The following CPNE6 variants were observed in gnomAD, a reference collection of about 807,000 sequenced individuals.
The protein encoded by CPNE6 is copine-6.
In CPNE6, 33 loss-of-function variants were observed where a neutral mutation model predicts 71.5. That is an observed-to-expected ratio of 0.46 (90% confidence interval 0.35 to 0.62). The LOEUF is 0.62. Ranked by LOEUF, CPNE6 falls within the 20% of genes least tolerant of loss-of-function variation. The pLI is 0.00. For synonymous variants in CPNE6, 296 were observed against 293.0 expected (o/e 1.01, Z -0.10); for missense variants, 576 against 747.3 (o/e 0.77, Z 2.67).
chr14:24,078,002 C>G (rs950605643), exon 18 of CPNE6: 1 of 364,330 alleles, frequency 2.7e-6, no homozygotes, highest in Non-Finnish European at 4.9e-6. Flanking sequence ...CTCCAAACCC[C>G]ATACCCTTCA....
Position 24,074,092 on chromosome 14 carries a change from G to C in CPNE6, c.390G>C (p.Lys130Asn), listed in dbSNP as rs764359732. Residue 130 changes from lysine to asparagine, a missense_variant, in exon 5 of 18, where the codon AAG becomes AAC. By Grantham distance (94) the Lys-to-Asn change is moderately conservative. Around this residue, in one of 4 missense-constraint regions of CPNE6, gnomAD observed 214 missense variants for 291.2 expected, o/e 0.73. Coordinates refer to ENST00000397016, the Ensembl canonical transcript of CPNE6. The surrounding 1 kb of genome is among the most constrained non-coding windows in gnomAD (Gnocchi z 4.5). ...AGGTCACTAAGCCATTATTGCTGAAGAATGGGAAGACTGCGGGCAAGTCCA... is the reference window on the plus strand; with the variant it reads ...AGGTCACTAAGCCATTATTGCTGAACAATGGGAAGACTGCGGGCAAGTCCA... The C allele has an allele frequency of 6.2e-7, 1 of 1,614,158 alleles. No homozygotes were observed. Among genetic ancestry groups the C allele is most frequent in the East Asian group, 2.2e-5 (1 of 44,874 alleles).
Position 24,073,532 on chromosome 14 carries a change from A to G in CPNE6, c.202A>G (p.Ser68Gly). ...CACAGAGGTGCTTCGCTCCTGTTCCAGCCCTGTCTTCTCCCGGGTGCTGGC... is the reference window on the plus strand; with the variant it reads ...CACAGAGGTGCTTCGCTCCTGTTCCGGCCCTGTCTTCTCCCGGGTGCTGGC... Residue 68 changes from serine (S) to glycine (G), a missense_variant, in exon 4 of 18, where the codon AGC becomes GGC. By Grantham distance (56) the Ser-to-Gly change is moderately conservative. Coordinates refer to ENST00000397016, the Ensembl canonical transcript of CPNE6. This position sits in a 1 kb window ranked among gnomAD's most constrained non-coding sequence, Gnocchi z 5.5. 1 of 1,613,900 alleles carries G rather than the reference A, an allele frequency of 6.2e-7. No homozygotes were observed. The highest frequency in any genetic ancestry group is 8.5e-7 in the Non-Finnish European group (1 of 1,180,010).
chr14:24,074,186 C>T lies in CPNE6; in HGVS notation c.423+61C>T. The T allele has an allele frequency of 1.3e-6, 2 of 1,594,504 alleles. No individual in the cohort carries two copies. Among genetic ancestry groups the T allele is most frequent in the African/African-American group, 1.3e-5 (1 of 74,642 alleles). On this transcript the variant is annotated intron_variant, in intron 5 of 17. Transcript: ENST00000397016. The surrounding 1 kb of genome is among the most constrained non-coding windows in gnomAD (Gnocchi z 4.5). ...GTATTCAATGCCCCTGCATGGACAC[C>T]TATGGTGACATCATGCCCAGGACCA...
chr14:24,072,862 C>G, intron 2 of CPNE6, 71 bp from the exon 2 acceptor site: 1 of 1,357,768 alleles, frequency 7.4e-7, no homozygotes, highest in Non-Finnish European at 9.6e-7. Flanking sequence ...CCCAGGGACC[C>G]TAGAGGATAG....
In CPNE6 at chr14:24,075,813, C is replaced by T. The variant is rs767797218; in HGVS notation, c.865-14C>T. Reference sequence around the variant, plus strand: ...CACCCCATCCCCTCGCCTTACCCCTCTCCCTACCTCCAGGTGGAGAAGGTG... The same window carrying T: ...CACCCCATCCCCTCGCCTTACCCCTTTCCCTACCTCCAGGTGGAGAAGGTG... On this transcript the variant is annotated splice_polypyrimidine_tract_variant and intron_variant, in intron 10 of 17. Transcript: ENST00000397016. The surrounding 1 kb of genome is among the most constrained non-coding windows in gnomAD (Gnocchi z 4.3). 2 of 1,613,694 alleles carry T rather than the reference C, an allele frequency of 1.2e-6. No individual in the cohort carries two copies. The highest frequency in any genetic ancestry group is 1.7e-6 in the Non-Finnish European group (2 of 1,179,670).
At position 24,075,169 on chromosome 14, in the gene CPNE6, C is replaced by T; in HGVS notation, c.673-3C>T. ...GACCCCACCCCTCCCCCTGCCTTCT[C>T]AGTTCCTGGTGTATGACTATGACTC... On this transcript the variant is annotated splice_region_variant and splice_polypyrimidine_tract_variant and intron_variant, in intron 8 of 17. Coordinates refer to ENST00000397016, the Ensembl canonical transcript of CPNE6. This position sits in a 1 kb window ranked among gnomAD's most constrained non-coding sequence, Gnocchi z 4.3. 6.2e-7 allele frequency: 1 copy of T among 1,612,282 alleles called. No homozygotes were observed. Among genetic ancestry groups the T allele is most frequent in the South Asian group, 1.1e-5 (1 of 91,012 alleles).
Position 24,077,940 on chromosome 14 carries a change from C to G in CPNE6, c.*90C>G, listed in dbSNP as rs1314859848. 1.2e-4 allele frequency: 57 copies of G among 483,108 alleles called. No individual in the cohort carries two copies. The highest frequency in any genetic ancestry group is 6.7e-5 in the Non-Finnish European group (19 of 282,536). The allele number at this position is 483,108 out of a possible 1,614,324, so 29.9% of individuals were successfully genotyped here. On this transcript the variant is annotated 3_prime_UTR_variant, in exon 18 of 18. Transcript: ENST00000397016. This position sits in a 1 kb window ranked among gnomAD's most constrained non-coding sequence, Gnocchi z 6.1. The stretch of plus-strand genomic sequence containing the variant: ...GTGACCAATGCCTCCACCTCTTGGA[C>G]CAGGTGTGCCCCCTGGGTTCTGGAC...
At chr14:24,071,793 A>C in intron 2 of CPNE6, 152 bp downstream of exon 1, 1 of 549,078 alleles carries the variant, frequency 1.8e-6, no homozygotes, top group Non-Finnish European at 3.2e-6. Flanking sequence ...GACCCCCAAG[A>C]ACTGGGAGAC....
Position 24,074,218 on chromosome 14 carries a change from C to A in CPNE6, c.424-73C>A, listed in dbSNP as rs939915466. The A allele has an allele frequency of 6.3e-7, 1 of 1,595,538 alleles. No homozygotes were observed. The highest frequency in any genetic ancestry group is 1.3e-5 in the African/African-American group (1 of 74,524). Reference sequence around the variant, plus strand: ...GACATCATGCCCAGGACCACCCCCACCTAAGGGAAAGGGGATGGGGTGGCC... The same window carrying A: ...GACATCATGCCCAGGACCACCCCCAACTAAGGGAAAGGGGATGGGGTGGCC... On this transcript the variant is annotated intron_variant, in intron 5 of 17. Transcript: ENST00000397016. This position sits in a 1 kb window ranked among gnomAD's most constrained non-coding sequence, Gnocchi z 4.5.
At position 24,073,666 on chromosome 14, in the gene CPNE6, C is replaced by T. The variant is rs768350280; in HGVS notation, c.336C>T (p.Cys112=). ...ATACCTTCCTCGGCTCTACGGAGTG[C>T]ACCTTGGGCCAGGTCTGCATTCCCG... Residue 112 remains cysteine (C), a synonymous_variant, in exon 4 of 18, where the codon TGC becomes TGT. Transcript: ENST00000397016. The surrounding 1 kb of genome is among the most constrained non-coding windows in gnomAD (Gnocchi z 5.5). 5 of 1,612,868 alleles carry T rather than the reference C, an allele frequency of 3.1e-6. No homozygotes were observed. The highest frequency in any genetic ancestry group is 2.2e-5 in the East Asian group (1 of 44,866).
chr14:24,076,948 T>C (rs764767260), exon 15 of CPNE6: 1 of 1,613,216 alleles, frequency 6.2e-7, no homozygotes, highest in South Asian at 1.1e-5. Flanking sequence ...CCCACCAATG[T>C]GGCCCCCATC....
At chr14:24,076,104 T>C (rs1440648587) in intron 11 of CPNE6, 45 bp from the exon 11 acceptor site, 54 of 1,600,180 alleles carry the variant, frequency 3.4e-5, no homozygotes, top group Non-Finnish European at 4.4e-5. Context: ...GGCAATCTGG[T>C]GGCTCTCATG....
At position 24,073,688 on chromosome 14, in the gene CPNE6, C is replaced by T; in HGVS notation, c.348+10C>T. ...GTGCACCTTGGGCCAGGTCTGCATTCCCGGCCTCCCCGGCTACCCTACCCT... is the reference window on the plus strand; with the variant it reads ...GTGCACCTTGGGCCAGGTCTGCATTTCCGGCCTCCCCGGCTACCCTACCCT... On this transcript the variant is annotated intron_variant, in intron 4 of 17. Coordinates refer to ENST00000397016, the Ensembl canonical transcript of CPNE6. This position sits in a 1 kb window ranked among gnomAD's most constrained non-coding sequence, Gnocchi z 5.5. 1 of 1,606,248 alleles carries T rather than the reference C, an allele frequency of 6.2e-7. No individual in the cohort carries two copies. Among genetic ancestry groups the T allele is most frequent in the South Asian group, 1.1e-5 (1 of 90,294 alleles).
chr14:24,077,194 G>T lies in CPNE6; in HGVS notation c.1340G>T (p.Ser447Ile). The T allele has an allele frequency of 6.2e-7, 1 of 1,609,490 alleles. No individual in the cohort carries two copies. Among genetic ancestry groups the T allele is most frequent in the Non-Finnish European group, 8.5e-7 (1 of 1,179,930 alleles). ...CTGGTGCTCACTGACGGTGTGGTGA[G>T]CGACATGGCTGAGACTCGCACTGCT... Residue 447 changes from serine to isoleucine, a missense_variant, in exon 16 of 18, where the codon AGC becomes ATC. Around this residue, in one of 4 missense-constraint regions of CPNE6, gnomAD observed 264 missense variants for 339.9 expected, o/e 0.78. Transcript: ENST00000397016. The surrounding 1 kb of genome is among the most constrained non-coding windows in gnomAD (Gnocchi z 6.1).
At position 24,075,197 on chromosome 14, in the gene CPNE6, G is replaced by A. The variant is rs2036021480; in HGVS notation, c.698G>A (p.Ser233Asn). Reference sequence around the variant, plus strand: ...TTCCTGGTGTATGACTATGACTCCAGTGGGAAGCATGACTTCATCGGCGAG... The same window carrying A: ...TTCCTGGTGTATGACTATGACTCCAATGGGAAGCATGACTTCATCGGCGAG... Residue 233 changes from serine to asparagine, a missense_variant, in exon 9 of 18, where the codon AGT becomes AAT. By Grantham distance (46) the Ser-to-Asn change is conservative. Around this residue, in one of 4 missense-constraint regions of CPNE6, gnomAD observed 214 missense variants for 291.2 expected, o/e 0.73. Coordinates refer to ENST00000397016, the Ensembl canonical transcript of CPNE6. The surrounding 1 kb of genome is among the most constrained non-coding windows in gnomAD (Gnocchi z 4.3). The A allele has an allele frequency of 6.2e-7, 1 of 1,613,914 alleles. No homozygotes were observed. Among genetic ancestry groups the A allele is most frequent in the Admixed American group, 1.7e-5 (1 of 59,984 alleles).
Position 24,071,646 on chromosome 14 carries a change from G to T in CPNE6, c.-5+5G>T. ...AGCCCCCGACCGAGAGCCCAGGTGAGCCCACCCTTCCTCCCCAGCCCAGCC... is the reference window on the plus strand; with the variant it reads ...AGCCCCCGACCGAGAGCCCAGGTGATCCCACCCTTCCTCCCCAGCCCAGCC... On this transcript the variant is annotated splice_donor_5th_base_variant and intron_variant, in intron 2 of 17. Coordinates refer to ENST00000397016, the Ensembl canonical transcript of CPNE6. The T allele has an allele frequency of 1.1e-6, 1 of 931,876 alleles. No homozygotes were observed. The allele number at this position is 931,876 out of a possible 1,614,324, so 57.7% of individuals were successfully genotyped here. A position where few individuals can be genotyped will look rare whatever the true frequency, so the allele number is the denominator to read the frequency against.
At position 24,073,064 on chromosome 14, in the gene CPNE6, G is replaced by C; in HGVS notation, c.128G>C (p.Cys43Ser). 1 of 1,533,328 alleles carries C rather than the reference G, an allele frequency of 6.5e-7. No homozygotes were observed. Among genetic ancestry groups the C allele is most frequent in the Non-Finnish European group, 8.8e-7 (1 of 1,142,070 alleles). The allele number at this position is 1,533,328 out of a possible 1,614,324, so 95.0% of individuals were successfully genotyped here. A position where few individuals can be genotyped will look rare whatever the true frequency, so the allele number is the denominator to read the frequency against. The change falls in exon 3 of 18, where the codon TGC (cysteine) becomes TCC (serine). Residue 43 changes from cysteine to serine, a missense_variant. Around this residue, in one of 4 missense-constraint regions of CPNE6, gnomAD observed 89 missense variants for 80.4 expected, o/e 1.11. Transcript: ENST00000397016. The surrounding 1 kb of genome is among the most constrained non-coding windows in gnomAD (Gnocchi z 5.5). ...GACACACTCACCAAACCCCACCCCT[G>C]CGTGCTGCTCAAGCTCTACTCTGAT...
rs2036097631 is a variant in CPNE6, at chr14:24,077,023, A to G, written c.1299+11A>G. The G allele has an allele frequency of 6.2e-7, 1 of 1,608,364 alleles. No homozygotes were observed. Among genetic ancestry groups the G allele is most frequent in the Non-Finnish European group, 8.5e-7 (1 of 1,179,964 alleles). On this transcript the variant is annotated intron_variant, in intron 15 of 17. Coordinates refer to ENST00000397016, the Ensembl canonical transcript of CPNE6. This position sits in a 1 kb window ranked among gnomAD's most constrained non-coding sequence, Gnocchi z 6.1. ...ACCGGCCAAGCCACGGTAGGAAGAC[A>G]TGGCGGGCAAACAGGAGCTGTCCCA...
In CPNE6 at chr14:24,073,916, A is replaced by T. The variant is rs1220657573; in HGVS notation, c.349-135A>T. The stretch of plus-strand genomic sequence containing the variant: ...GCTTCCCTCTTCAGACTATTGTAAA[A>T]ATTGAGCCCAACCCTAGCCCAACTC... On this transcript the variant is annotated intron_variant, in intron 4 of 17. Transcript: ENST00000397016. This position sits in a 1 kb window ranked among gnomAD's most constrained non-coding sequence, Gnocchi z 5.5. 6.6e-6 allele frequency: 6 copies of T among 902,854 alleles called. No individual in the cohort carries two copies. The East Asian group carries it at 1.5e-4, about 23-fold the overall frequency. The allele number at this position is 902,854 out of a possible 1,614,324, so 55.9% of individuals were successfully genotyped here. A position where few individuals can be genotyped will look rare whatever the true frequency, so the allele number is the denominator to read the frequency against.
Sources: gnomAD v4.1 joint callset for allele counts on GRCh38, gnomAD v4.1.1 for gene constraint, gnomAD v4.1.1 regional missense constraint, Gnocchi (gnomAD v3.1) non-coding constraint, MANE v1.5 for transcripts, NCBI Gene and HGNC (gene_info 2026-07-23, HGNC 2026-07-21) for gene names.